The following POM121 variants were observed in gnomAD, a reference collection of about 807,000 sequenced individuals.
POM121 encodes the protein nuclear envelope pore membrane protein POM 121.
In POM121, 32 loss-of-function variants were observed where a neutral mutation model predicts 81.3. The observed-to-expected ratio is 0.39, with a 90% CI of 0.30 to 0.53. POM121 has a LOEUF of 0.53. Ranked by LOEUF, POM121 falls within the 20% of genes least tolerant of loss-of-function variation. The probability of loss-of-function intolerance (pLI) is 0.66; values close to 1 mark genes in which losing one functional copy is unlikely to be tolerated. For synonymous variants in POM121, 514 were observed against 694.2 expected (o/e 0.74, Z 4.08); for missense variants, 1,138 against 1,614.6 (o/e 0.70, Z 5.06).
intron 5 of POM121, among the ~76,000 whole-genome samples, chr7:72,936,271 T>A (rs1480280976): frequency 6.6e-6 from 1 of 151,856 alleles, no homozygotes; most frequent in Non-Finnish European, 1.5e-5. Flanking sequence ...CAAGTGATCC[T>A]CCCACCTTGG....
rs782755719 is a variant in POM121 at position 72,943,419 on chromosome 7, C to T, written c.3426C>T (p.Pro1142=). 20 of 1,612,686 alleles carry T rather than the reference C, an allele frequency of 1.2e-5. No individual in the cohort carries two copies. In the East Asian group the frequency reaches 3.6e-4, roughly 29 times the overall value. The change falls in exon 11 of 13, where the codon CCC becomes CCT. Residue 1142 remains proline (P), a synonymous_variant. Transcript: ENST00000434423. ...GQSGSTATST[P]FAGGLGQNAL... is the part of the protein sequence containing the mutation. The stretch of plus-strand genomic sequence containing the variant: ...GTGGGAGCACAGCCACCTCCACCCC[C>T]TTCGCAGGGGGCTTAGGTCAGAACG...
Position 72,945,812 on chromosome 7 carries a change from C to T in POM121, c.3652+104C>T, listed in dbSNP as rs557208532. The T allele has an allele frequency of 8.9e-4, 1,321 of 1,485,568 alleles. 20 individuals carry two copies. In the African/African-American group the frequency reaches 0.017, roughly 19 times the overall value. The allele number at this position is 1,485,568 out of a possible 1,614,324, so 92.0% of individuals were successfully genotyped here. A position where few individuals can be genotyped will look rare whatever the true frequency, so the allele number is the denominator to read the frequency against. Reference sequence around the variant, plus strand: ...GAGGCCCGGTGAAGATCAGGTTCAGCACAGGAAAGACATTTCGGGTTAGGA... The same window carrying T: ...GAGGCCCGGTGAAGATCAGGTTCAGTACAGGAAAGACATTTCGGGTTAGGA... On this transcript the variant is annotated intron_variant, in intron 12 of 12. Coordinates refer to ENST00000434423, the MANE Select transcript of POM121 (RefSeq NM_001387691.1).
At chr7:72,933,122 CAGG>C (rs1450634244) in intron 5 of POM121, among the ~76,000 whole-genome samples, 25 of 151,114 alleles carry the variant, frequency 1.7e-4, no homozygotes, top group African/African-American at 5.8e-4. Flanking sequence ...GAGGCTGAGG[CAGG>C]TGGATCACCT....
At chr7:72,910,491 G>A (rs2129576267) in intron 3 of POM121, among the ~76,000 whole-genome samples, 1 of 152,062 alleles carries the variant, frequency 6.6e-6, no homozygotes, top group East Asian at 1.9e-4. Context: ...AGAGAGGATG[G>A]GGTGCCACCT....
At chr7:72,921,695 A>AT (rs1350933110), upstream of POM121, among the ~76,000 whole-genome samples, 15 of 152,184 alleles carry the variant, frequency 9.9e-5, no homozygotes, top group African/African-American at 2.2e-4. Context: ...AGACTGCCAG[A>AT]TTTTTTTAAC....
chr7:72,926,284 C>T lies in POM121; in HGVS notation c.667C>T (p.Arg223Trp). 1 of 1,566,908 alleles carries T rather than the reference C, an allele frequency of 6.4e-7. No individual in the cohort carries two copies. The highest frequency in any genetic ancestry group is 8.7e-7 in the Non-Finnish European group (1 of 1,155,190). Reference sequence around the variant, plus strand: ...CAGGGATTGTGGGACTTTACCAAATCGGTTTGTAATAACACCTAGAAGACG... The same window carrying T: ...CAGGGATTGTGGGACTTTACCAAATTGGTTTGTAATAACACCTAGAAGACG... ...SPRDCGTLPN[R>W]FVITPRRRYP... Residue 223 changes from arginine to tryptophan, a missense_variant, in exon 2 of 13, where the codon CGG becomes TGG. By Grantham distance (101) the Arg-to-Trp change is moderately radical. Coordinates refer to ENST00000434423, the MANE Select transcript of POM121 (RefSeq NM_001387691.1).
chr7:72,949,682 C>T (rs1797939326), downstream of POM121: 1 of 678,300 alleles, frequency 1.5e-6, no homozygotes, highest in African/African-American at 1.8e-5. Context: ...AAGGGATCCA[C>T]ATCTCACACC....
rs1365638069 is a variant in POM121 at position 72,894,626 on chromosome 7, G to GAGAGAGAGAGAGAGAGAAAGAGAGA, written c.-216+3516_-216+3517insAGAGAGAGAGAGAGAGAAAGAGAGA. ...GAGAGAGAGAGAGATGAGAGAGAGAGGAGAGAGAGAGAGAGAGAGAGAGAG... is the reference window on the plus strand; with the variant it reads ...GAGAGAGAGAGAGATGAGAGAGAGAGAGAGAGAGAGAGAGAGAAAGAGAGAGAGAGAGAGAGAGAGAGAGAGAGAG... On this transcript the variant is annotated intron_variant, in intron 3 of 15. Transcript: ENST00000395270. 2.6e-4 allele frequency among the ~76,000 whole-genome samples: 6 copies of GAGAGAGAGAGAGAGAGAAAGAGAGA among 23,344 alleles called. 1 individual carries two copies. Among genetic ancestry groups the GAGAGAGAGAGAGAGAGAAAGAGAGA allele is most frequent in the African/African-American group, 5.3e-4 (5 of 9,410 alleles). The allele number at this position is 23,344 out of a possible 152,430, so 15.3% of individuals were successfully genotyped here. A position where few individuals can be genotyped will look rare whatever the true frequency, so the allele number is the denominator to read the frequency against.
At chr7:72,941,735 G>T in intron 10 of POM121, 102 bp from the exon 11 acceptor site, 6 of 1,381,928 alleles carry the variant, frequency 4.3e-6, no homozygotes, top group Non-Finnish European at 5.9e-6. Context: ...CTGACTCTTG[G>T]ATCCCAGGCT....
rs781784057 is a variant in POM121, at chr7:72,930,086, A to T, written c.1250A>T (p.Tyr417Phe). 40 of 1,613,142 alleles carry T rather than the reference A, an allele frequency of 2.5e-5. No individual in the cohort carries two copies. The Middle Eastern group carries it at 6.6e-4, about 27-fold the overall frequency. Reference protein sequence around the residue: ...SSSRNAITSSYSSTRGISQLW... With the variant: ...SSSRNAITSSFSSTRGISQLW... ...AGCCGCAATGCCATTACCAGTTCCTACAGCTCCACTCGAGGCATCTCACAG... is the reference window on the plus strand; with the variant it reads ...AGCCGCAATGCCATTACCAGTTCCTTCAGCTCCACTCGAGGCATCTCACAG... Residue 417 changes from tyrosine (Y) to phenylalanine (F), a missense_variant, in exon 5 of 13, where the codon TAC (tyrosine) becomes TTC (phenylalanine). Coordinates refer to ENST00000434423, the MANE Select transcript of POM121 (RefSeq NM_001387691.1).
chr7:72,887,209 C>T (rs566835670), intron 1 of POM121, among the ~76,000 whole-genome samples: 37 of 152,170 alleles, frequency 2.4e-4, no homozygotes, highest in Admixed American at 1.8e-3. Context: ...AGAAGGTTAG[C>T]GTGGGTCTTT....
intron 3 of POM121, among the ~76,000 whole-genome samples, chr7:72,894,669 G>GAA: frequency 6.7e-6 from 1 of 149,700 alleles, no homozygotes; most frequent in East Asian, 2.0e-4. Flanking sequence ...GAGAGAGAGA[G>GAA]AGAGAGAGAG....
intron 5 of POM121, among the ~76,000 whole-genome samples, chr7:72,931,049 G>A (rs1795967197): frequency 6.6e-6 from 1 of 152,122 alleles, no homozygotes; most frequent in African/African-American, 2.4e-5. Flanking sequence ...GTTTTTGAGA[G>A]GAGGAAGATT....
At chr7:72,882,443 A>G (rs762807345) in intron 1 of POM121, among the ~76,000 whole-genome samples, 11 of 152,224 alleles carry the variant, frequency 7.2e-5, no homozygotes, top group Admixed American at 3.3e-4. Flanking sequence ...TGGATTTAAA[A>G]GATTTTCTAG....
chr7:72,923,343 A>T (rs1795007447), upstream of POM121, among the ~76,000 whole-genome samples: 1 of 152,086 alleles, frequency 6.6e-6, no homozygotes, highest in Non-Finnish European at 1.5e-5. Context: ...ACTTCTGCAC[A>T]GTGCTCCTTC....
chr7:72,879,567 G>C (rs1279500968), exon 1 of POM121: 1 of 272,456 alleles, frequency 3.7e-6, no homozygotes, highest in Non-Finnish European at 7.2e-6. Flanking sequence ...CGGAGCCAGC[G>C]GCGCTGGGGC....
chr7:72,893,295 G>A (rs1342842908), intron 3 of POM121, among the ~76,000 whole-genome samples: 1 of 151,558 alleles, frequency 6.6e-6, no homozygotes, highest in South Asian at 2.1e-4. Context: ...TAAAAACCAC[G>A]TAACATGGCC....
chr7:72,915,456 C>T (rs1183982243), intron 4 of POM121, among the ~76,000 whole-genome samples: 2 of 152,250 alleles, frequency 1.3e-5, no homozygotes, highest in Admixed American at 1.3e-4. Flanking sequence ...TCCTCCGCCT[C>T]GCACCTCCCA....
chr7:72,921,843 GT>G (rs2129577273), upstream of POM121, among the ~76,000 whole-genome samples: 1 of 152,258 alleles, frequency 6.6e-6, no homozygotes, highest in Non-Finnish European at 1.5e-5. Context: ...CCATCCTTGT[GT>G]TGATAAACAT....
Sources: allele counts gnomAD v4.1 joint callset (sites outside exome capture counted in the v4.1 genomes callset), GRCh38; gene constraint gnomAD v4.1.1; transcripts MANE v1.5; gene names NCBI Gene and HGNC (gene_info 2026-07-23, HGNC 2026-07-21).